Variants in SLC9A9 observed in about 807,000 individuals in gnomAD.
SLC9A9 encodes sodium/hydrogen exchanger 9.
Under a neutral mutation model 77.8 loss-of-function variants are expected in SLC9A9, and 62 were observed. The ratio of observed to expected loss-of-function variants is 0.80; its 90% confidence interval spans 0.65 to 0.98. SLC9A9 has a LOEUF of 0.98. Ranked by LOEUF, SLC9A9 falls within the 50% of genes least tolerant of loss-of-function variation. The pLI, the probability that SLC9A9 is intolerant of heterozygous loss-of-function variation, is 0.00. For synonymous variants in SLC9A9, 320 were observed against 283.5 expected (o/e 1.13, Z -1.29); for missense variants, 775 against 774.9 (o/e 1.00, Z 0.00).
At chr3:143,798,645 T>C (rs1178335258) in intron 2 of SLC9A9, among the ~76,000 whole-genome samples, 1 of 152,134 alleles carries the variant, frequency 6.6e-6, no homozygotes, top group African/African-American at 2.4e-5. Context: ...CAGTAGAAAC[T>C]CGACAGTGGT....
chr3:143,265,895 G>A lies in SLC9A9; in HGVS notation c.*807C>T. ...ACCCTCCAGCATATCGCGGGGAGGG[G>A]GGGACCTGCTGCACAGCCAAGAAGT... On this transcript the variant is annotated 3_prime_UTR_variant, in exon 16 of 16. Transcript: ENST00000316549. 3.3e-6 allele frequency: 2 copies of A among 608,138 alleles called. No individual in the cohort carries two copies. Among genetic ancestry groups the A allele is most frequent in the Non-Finnish European group, 5.9e-6 (2 of 339,094 alleles). The allele number at this position is 608,138 out of a possible 1,614,324, so 37.7% of individuals were successfully genotyped here.
chr3:143,567,959 G>A (rs16853827), intron 8 of SLC9A9, among the ~76,000 whole-genome samples: 19,102 of 152,178 alleles, frequency 0.13, 1,246 homozygotes, highest in African/African-American at 0.14. Flanking sequence ...CTTCTGATCT[G>A]TCACAAAGTT....
At chr3:143,764,514 G>A (rs1379392940) in intron 4 of SLC9A9, among the ~76,000 whole-genome samples, 2 of 152,174 alleles carry the variant, frequency 1.3e-5, no homozygotes, top group Admixed American at 6.6e-5. Flanking sequence ...CAGTGATCTA[G>A]AAAGGCTAAG....
chr3:143,424,344 GC>G (rs2034365443), intron 12 of SLC9A9, among the ~76,000 whole-genome samples: 1 of 150,286 alleles, frequency 6.7e-6, no homozygotes, highest in Non-Finnish European at 1.5e-5. Context: ...TCAGCTCATT[GC>G]AAGTTCCGCC....
intron 2 of SLC9A9, among the ~76,000 whole-genome samples, chr3:143,820,296 T>G (rs2009133533): frequency 6.6e-6 from 1 of 152,240 alleles, no homozygotes; most frequent in Non-Finnish European, 1.5e-5. Context: ...CTGCTGAATT[T>G]GTTCTCATTG....
intron 14 of SLC9A9, among the ~76,000 whole-genome samples, chr3:143,337,761 G>A (rs1339625540): frequency 1.3e-5 from 2 of 152,222 alleles, no homozygotes; most frequent in Non-Finnish European, 2.9e-5. Flanking sequence ...CAGGTTCTTG[G>A]GGGAACCAAA....
In SLC9A9 at chr3:143,369,547, C is replaced by T. The variant is rs141905651; in HGVS notation, c.1525-5984G>A. ...AGAAATGTTTGAGGTAATGGCTATGCTAATTACCTTGACTTGATCATTACA... is the reference window on the plus strand; with the variant it reads ...AGAAATGTTTGAGGTAATGGCTATGTTAATTACCTTGACTTGATCATTACA... On this transcript the variant is annotated intron_variant, in intron 13 of 15. Coordinates refer to ENST00000316549, the MANE Select transcript of SLC9A9 (RefSeq NM_173653.4). 2.4e-3 allele frequency among the ~76,000 whole-genome samples: 372 copies of T among 152,180 alleles called. 2 individuals carry two copies. The highest frequency in any genetic ancestry group is 6.0e-3 in the Admixed American group (91 of 15,292).
intron 12 of SLC9A9, among the ~76,000 whole-genome samples, chr3:143,447,284 G>GA (rs977935606): frequency 6.6e-6 from 1 of 152,038 alleles, no homozygotes. Flanking sequence ...CTCAGTGACT[G>GA]AAAAAAATTC....
At chr3:143,401,469 C>G (rs1349393401) in intron 12 of SLC9A9, among the ~76,000 whole-genome samples, 2 of 152,112 alleles carry the variant, frequency 1.3e-5, no homozygotes, top group East Asian at 3.8e-4. Flanking sequence ...TGGCATCAGA[C>G]TAGTGTAGAA....
chr3:143,789,280 A>G (rs1190036541), intron 4 of SLC9A9, among the ~76,000 whole-genome samples: 6 of 152,190 alleles, frequency 3.9e-5, no homozygotes, highest in African/African-American at 1.4e-4. Flanking sequence ...AGATATGTAA[A>G]ATTCTCACCG....
At chr3:143,817,710 T>G (rs1441669846) in intron 2 of SLC9A9, among the ~76,000 whole-genome samples, 1 of 152,234 alleles carries the variant, frequency 6.6e-6, no homozygotes, top group East Asian at 1.9e-4. Flanking sequence ...TAATTAATCC[T>G]TTTCCCATTT....
At chr3:143,529,784 A>G (rs1352486123) in intron 9 of SLC9A9, among the ~76,000 whole-genome samples, 3 of 152,234 alleles carry the variant, frequency 2.0e-5, no homozygotes, top group Non-Finnish European at 4.4e-5. Flanking sequence ...CGAAAAGAGA[A>G]GAATTGAAAA....
At chr3:143,611,753 A>G (rs1407361645) in intron 6 of SLC9A9, among the ~76,000 whole-genome samples, 1 of 152,150 alleles carries the variant, frequency 6.6e-6, no homozygotes, top group Non-Finnish European at 1.5e-5. Flanking sequence ...CTTATTTTTG[A>G]GACAGGGTCT....
intron 2 of SLC9A9, among the ~76,000 whole-genome samples, chr3:143,806,827 T>C (rs2008729898): frequency 6.6e-6 from 1 of 152,116 alleles, no homozygotes; most frequent in Admixed American, 6.5e-5. Context: ...ACAAGGTATG[T>C]ATAGTCAACA....
intron 14 of SLC9A9, among the ~76,000 whole-genome samples, chr3:143,271,243 G>C (rs987066241): frequency 6.6e-6 from 1 of 152,150 alleles, no homozygotes; most frequent in Admixed American, 6.6e-5. Flanking sequence ...ATGCTTAAAG[G>C]CTAAATGTGT....
At chr3:143,610,515 T>C (rs886716721) in intron 6 of SLC9A9, among the ~76,000 whole-genome samples, 6 of 152,186 alleles carry the variant, frequency 3.9e-5, no homozygotes, top group Admixed American at 3.9e-4. Context: ...GTTTAAAATA[T>C]CCAATCTGTT....
At chr3:143,302,633 C>T (rs959573131) in intron 14 of SLC9A9, among the ~76,000 whole-genome samples, 2 of 151,866 alleles carry the variant, frequency 1.3e-5, no homozygotes, top group African/African-American at 4.8e-5. Flanking sequence ...CAGAGGAAAG[C>T]AGTAAAGAGC....
At chr3:143,370,567 G>GCGCGCACACA (rs373398536) in intron 13 of SLC9A9, among the ~76,000 whole-genome samples, 71 of 143,418 alleles carry the variant, frequency 5.0e-4, no homozygotes, top group East Asian at 1.3e-3. Context: ...GCATGTGCGC[G>GCGCGCACACA]CACACACACA....
chr3:143,340,038 A>G (rs956254464), intron 14 of SLC9A9, among the ~76,000 whole-genome samples: 1 of 152,224 alleles, frequency 6.6e-6, no homozygotes, highest in Non-Finnish European at 1.5e-5. Flanking sequence ...GCATCGTGAC[A>G]TTGTAAACAC....
Sources: allele counts gnomAD v4.1 joint callset (sites outside exome capture counted in the v4.1 genomes callset), GRCh38; gene constraint gnomAD v4.1.1; transcripts MANE v1.5; gene names NCBI Gene and HGNC (gene_info 2026-07-23, HGNC 2026-07-21).